ZNF385D: variants seen among roughly 807,000 people sequenced by gnomAD.
ZNF385D encodes zinc finger protein 385D.
ZNF385D carries 15 observed loss-of-function variants against 35.8 expected under a neutral mutation model. That is an observed-to-expected ratio of 0.42 (90% CI 0.28 to 0.64). ZNF385D has a LOEUF of 0.64. Among genes scored for constraint, ZNF385D ranks in the 30% least tolerant of loss-of-function variants. ZNF385D has a pLI of 0.23. For missense variants in ZNF385D, 474 were observed against 494.6 expected (o/e 0.96, Z 0.39); for synonymous variants, 212 against 186.8 (o/e 1.13, Z -1.10).
rs200803155 is a variant in ZNF385D, at chr3:21,724,477, C to CAAAAAAAA, written c.22+26410_22+26417dup. 5.8e-4 allele frequency among the ~76,000 whole-genome samples: 30 copies of CAAAAAAAA among 51,984 alleles called. 2 individuals carry two copies. The highest frequency in any genetic ancestry group is 1.7e-3 in the African/African-American group (11 of 6,318). 34.1% of individuals were successfully genotyped at this position (51,984 alleles called of 152,430 possible). A position where few individuals can be genotyped will look rare whatever the true frequency, so the allele number is the denominator to read the frequency against. ...AATATTTACCAAGCAAATGGAAAGC[C>CAAAAAAAA]AAAAAAAAAAAAAAAAAAAAAAAAA... On this transcript the variant is annotated intron_variant, in intron 1 of 7. Transcript: ENST00000281523.
intron 3 of ZNF385D, among the ~76,000 whole-genome samples, chr3:22,110,556 C>T (rs1459471143): frequency 2.0e-5 from 3 of 151,724 alleles, no homozygotes; most frequent in East Asian, 3.9e-4. Context: ...CCAAACACCG[C>T]ATGTTCTCAC....
intron 3 of ZNF385D, among the ~76,000 whole-genome samples, chr3:21,515,385 T>C (rs1575087197): frequency 6.6e-6 from 1 of 152,212 alleles, no homozygotes; most frequent in Non-Finnish European, 1.5e-5. Context: ...AGCATATATA[T>C]CCAATAACCA....
intron 3 of ZNF385D, among the ~76,000 whole-genome samples, chr3:21,818,228 T>A (rs1367058154): frequency 6.6e-6 from 1 of 152,120 alleles, no homozygotes; most frequent in East Asian, 1.9e-4. Context: ...ATACCTAATG[T>A]AAATGACGAA....
intron 4 of ZNF385D, among the ~76,000 whole-genome samples, chr3:21,490,681 T>C (rs547133323): frequency 6.6e-6 from 1 of 152,210 alleles, no homozygotes; most frequent in South Asian, 2.1e-4. Context: ...ATATGACTGA[T>C]GTGAGCCTTT....
At chr3:21,588,298 T>C (rs1029050154) in intron 2 of ZNF385D, among the ~76,000 whole-genome samples, 59 of 152,300 alleles carry the variant, frequency 3.9e-4, no homozygotes, top group African/African-American at 1.4e-3. Context: ...CTCAGTAGTT[T>C]TATTAGGTTC....
At chr3:21,826,996 T>C (rs1342799085) in intron 3 of ZNF385D, among the ~76,000 whole-genome samples, 1 of 152,104 alleles carries the variant, frequency 6.6e-6, no homozygotes, top group Non-Finnish European at 1.5e-5. Flanking sequence ...GCTCACTTCC[T>C]CTCTGTGCCT....
intron 2 of ZNF385D, among the ~76,000 whole-genome samples, chr3:21,663,468 T>A (rs917784738): frequency 2.0e-5 from 3 of 151,900 alleles, no homozygotes; most frequent in African/African-American, 7.3e-5. Flanking sequence ...GATGGGTAAT[T>A]CCCCTGGGTG....
At chr3:22,147,670 A>G (rs931696654) in intron 3 of ZNF385D, among the ~76,000 whole-genome samples, 14 of 152,200 alleles carry the variant, frequency 9.2e-5, no homozygotes, top group African/African-American at 3.4e-4. Flanking sequence ...TAGGCACATT[A>G]GGCAGTCAAG....
intron 3 of ZNF385D, chr3:22,133,479 T>C (rs1204448078): frequency 1.3e-5 from 2 of 152,086 alleles, no homozygotes; most frequent in Non-Finnish European, 2.9e-5. Flanking sequence ...GCTATAATTG[T>C]ATGCTAGAAT....
chr3:22,022,269 TATC>T (rs1390807839), intron 3 of ZNF385D, among the ~76,000 whole-genome samples: 2 of 152,286 alleles, frequency 1.3e-5, no homozygotes, highest in Middle Eastern at 6.8e-3. Context: ...TGTTAGCTAT[TATC>T]ATGTTAACAG....
chr3:21,527,311 C>T (rs1203713469), intron 3 of ZNF385D, among the ~76,000 whole-genome samples: 2 of 152,186 alleles, frequency 1.3e-5, no homozygotes, highest in Non-Finnish European at 2.9e-5. Flanking sequence ...TTTACATCCT[C>T]ATGATGGTTG....
At chr3:21,845,478 G>C (rs1359193032) in intron 3 of ZNF385D, among the ~76,000 whole-genome samples, 1 of 151,692 alleles carries the variant, frequency 6.6e-6, no homozygotes, top group Non-Finnish European at 1.5e-5. Context: ...TCCCTCAGCT[G>C]ATACAAAGAT....
intron 1 of ZNF385D, among the ~76,000 whole-genome samples, chr3:21,723,708 CA>C (rs749789299): frequency 6.6e-6 from 1 of 152,068 alleles, no homozygotes; most frequent in Non-Finnish European, 1.5e-5. Flanking sequence ...AGAATAGAAC[CA>C]AGTTGGAAAA....
intron 3 of ZNF385D, among the ~76,000 whole-genome samples, chr3:21,815,344 C>G (rs1033711996): frequency 1.3e-5 from 2 of 152,060 alleles, no homozygotes; most frequent in Non-Finnish European, 2.9e-5. Flanking sequence ...CAGAGCAGAA[C>G]TGAAGGAGAT....
intron 3 of ZNF385D, among the ~76,000 whole-genome samples, chr3:22,142,701 G>T (rs1033820682): frequency 6.6e-6 from 1 of 152,130 alleles, no homozygotes; most frequent in African/African-American, 2.4e-5. Flanking sequence ...GATGAGTGCA[G>T]GAAAGACGAA....
chr3:21,971,818 C>G (rs1703278098), intron 3 of ZNF385D, among the ~76,000 whole-genome samples: 1 of 151,864 alleles, frequency 6.6e-6, no homozygotes, highest in African/African-American at 2.4e-5. Context: ...AGTGGCTATC[C>G]TTATATTAGA....
At chr3:22,270,445 CTTT>C (rs1428390082) in intron 2 of ZNF385D, among the ~76,000 whole-genome samples, 1 of 151,984 alleles carries the variant, frequency 6.6e-6, no homozygotes, top group Non-Finnish European at 1.5e-5. Flanking sequence ...CTCAATTATT[CTTT>C]TTCTTTTAAT....
chr3:22,234,632 T>C (rs575194389), intron 2 of ZNF385D, among the ~76,000 whole-genome samples: 5 of 152,196 alleles, frequency 3.3e-5, no homozygotes, highest in Non-Finnish European at 5.9e-5. Context: ...ACATTATTTA[T>C]GTTTACTTAA....
intron 3 of ZNF385D, among the ~76,000 whole-genome samples, chr3:21,845,678 C>T: frequency 6.6e-6 from 1 of 151,874 alleles, no homozygotes; most frequent in African/African-American, 2.4e-5. Context: ...ACCCAAATAA[C>T]CTCAGCCACA....
Sources: allele counts gnomAD v4.1 joint callset (sites outside exome capture counted in the v4.1 genomes callset), GRCh38; gene constraint gnomAD v4.1.1; transcripts MANE v1.5; gene names NCBI Gene and HGNC (gene_info 2026-07-23, HGNC 2026-07-21).